ARID5B: variants seen among roughly 807,000 people sequenced by gnomAD.
The protein encoded by ARID5B is AT-rich interactive domain-containing protein 5B.
In ARID5B, 13 loss-of-function variants were observed where a neutral mutation model predicts 97.2. The ratio of observed to expected loss-of-function variants is 0.13; its 90% CI spans 0.09 to 0.21. ARID5B has a LOEUF of 0.21. Among genes scored for constraint, ARID5B ranks in the 10% least tolerant of loss-of-function variants. The probability of loss-of-function intolerance (pLI) is 1.00; values close to 1 mark genes in which losing one functional copy is unlikely to be tolerated. For missense variants in ARID5B, 1,210 were observed against 1,465.3 expected (o/e 0.83, Z 2.84); for synonymous variants, 556 against 570.3 (o/e 0.97, Z 0.36).
intron 3 of ARID5B, among the ~76,000 whole-genome samples, chr10:61,968,412 C>CAA (rs1404521361): frequency 6.6e-6 from 1 of 151,978 alleles, no homozygotes; most frequent in Non-Finnish European, 1.5e-5. Context: ...TCTGGTTAAG[C>CAA]ACACTATTTC....
At chr10:61,988,415 A>G (rs1838875809) in intron 3 of ARID5B, among the ~76,000 whole-genome samples, 1 of 152,242 alleles carries the variant, frequency 6.6e-6, no homozygotes, top group African/African-American at 2.4e-5. Context: ...GGCTCTCACC[A>G]GGTCTTAACA....
At chr10:61,973,625 G>A (rs1838660505) in intron 3 of ARID5B, among the ~76,000 whole-genome samples, 1 of 152,046 alleles carries the variant, frequency 6.6e-6, no homozygotes, top group Admixed American at 6.6e-5. Flanking sequence ...AAATGGGAGG[G>A]GGGAAGCTTT....
chr10:62,051,354 G>C (rs1839787993), intron 5 of ARID5B, among the ~76,000 whole-genome samples: 1 of 152,178 alleles, frequency 6.6e-6, no homozygotes, highest in Non-Finnish European at 1.5e-5. Flanking sequence ...AAATAGACCA[G>C]CTGAACCGTC....
chr10:62,014,084 C>T (rs745321736), intron 4 of ARID5B, among the ~76,000 whole-genome samples: 37 of 152,000 alleles, frequency 2.4e-4, no homozygotes, highest in East Asian at 5.8e-4. Context: ...GATATCTCTT[C>T]GACATATTGA....
At chr10:62,037,834 T>G (rs1022359933) in intron 4 of ARID5B, among the ~76,000 whole-genome samples, 4 of 152,204 alleles carry the variant, frequency 2.6e-5, no homozygotes, top group Non-Finnish European at 5.9e-5. Context: ...CTTTAAGAAC[T>G]TTGCTAATTC....
At chr10:61,908,594 T>C (rs1241196731) in intron 2 of ARID5B, among the ~76,000 whole-genome samples, 7 of 151,860 alleles carry the variant, frequency 4.6e-5, no homozygotes, top group Non-Finnish European at 8.8e-5. Flanking sequence ...GATCACGAGA[T>C]TGAGAACATC....
At chr10:61,917,152 C>T (rs1202994691) in intron 2 of ARID5B, among the ~76,000 whole-genome samples, 1 of 141,576 alleles carries the variant, frequency 7.1e-6, no homozygotes, top group African/African-American at 2.7e-5. Flanking sequence ...AGAGTAAGAT[C>T]CTGTTTCTAG....
At chr10:62,022,858 C>G (rs1472896475) in intron 4 of ARID5B, among the ~76,000 whole-genome samples, 3 of 152,234 alleles carry the variant, frequency 2.0e-5, no homozygotes, top group Non-Finnish European at 2.9e-5. Context: ...GAACGATTCA[C>G]AGAGCTCTCC....
chr10:61,950,356 G>A (rs970424097), intron 3 of ARID5B, among the ~76,000 whole-genome samples: 1 of 152,046 alleles, frequency 6.6e-6, no homozygotes, highest in Non-Finnish European at 1.5e-5. Flanking sequence ...CACTGACTCT[G>A]TACCTCAGAT....
chr10:62,080,786 CA>C (rs921859576), intron 8 of ARID5B, among the ~76,000 whole-genome samples: 30 of 147,050 alleles, frequency 2.0e-4, no homozygotes, highest in African/African-American at 7.0e-4. Flanking sequence ...GTTGTTACTA[CA>C]AAAAAAAAGC....
Position 62,050,950 on chromosome 10 carries a change from A to G in ARID5B, c.796A>G (p.Ser266Gly), listed in dbSNP as rs776458295. The G allele has an allele frequency of 7.4e-6, 12 of 1,614,114 alleles. No homozygotes were observed. The highest frequency in any genetic ancestry group is 9.3e-6 in the Non-Finnish European group (11 of 1,180,030). ...KPCPQRRDSFSGVKDSNNNSD... is the reference protein window; with the variant it reads ...KPCPQRRDSFGGVKDSNNNSD... Reference sequence around the variant, plus strand: ...ATGCCCACAAAGAAGAGATTCATTCAGTGGTGTTAAGGATTCCAACAACAA... The same window carrying G: ...ATGCCCACAAAGAAGAGATTCATTCGGTGGTGTTAAGGATTCCAACAACAA... The change falls in exon 5 of 10, where the codon AGT becomes GGT. Residue 266 changes from serine (S) to glycine (G), a missense_variant. Physicochemically the swap from Ser to Gly is moderately conservative, Grantham distance 56. This residue lies in a region of ARID5B where 132 missense variants were observed against 156.7 expected (regional missense o/e 0.84). Coordinates refer to ENST00000279873, the MANE Select transcript of ARID5B (RefSeq NM_032199.3).
At chr10:62,064,867 A>T (rs1839966100) in intron 7 of ARID5B, among the ~76,000 whole-genome samples, 2 of 152,096 alleles carry the variant, frequency 1.3e-5, no homozygotes, top group Admixed American at 6.5e-5. Context: ...TCCGCCTCCC[A>T]TATTCCAGTG....
At chr10:62,034,046 G>A (rs576086283) in intron 4 of ARID5B, among the ~76,000 whole-genome samples, 1 of 152,310 alleles carries the variant, frequency 6.6e-6, no homozygotes, top group South Asian at 2.1e-4. Flanking sequence ...GGAAACTCAA[G>A]GGGCCATTTT....
chr10:61,951,491 C>G (rs4414169), intron 3 of ARID5B, among the ~76,000 whole-genome samples: 72,314 of 152,072 alleles, frequency 0.48, 17,439 homozygotes, highest in Non-Finnish European at 0.52. Context: ...GCTTAGGATC[C>G]CTGTTTCTTT....
Position 62,092,951 on chromosome 10 carries a change from A to G in ARID5B, c.3488A>G (p.Tyr1163Cys). ...SYGDLLHNSI[Y>C]PLAAINPQAA... Reference sequence around the variant, plus strand: ...GGGGACCTTTTGCATAACAGCATTTACCCTTTAGCTGCTATAAATCCTCAA... The same window carrying G: ...GGGGACCTTTTGCATAACAGCATTTGCCCTTTAGCTGCTATAAATCCTCAA... The change falls in exon 10 of 10, where the codon TAC becomes TGC. Residue 1163 changes from tyrosine (Y) to cysteine (C), a missense_variant. Tyr to Cys is a radical substitution (Grantham distance 194, BLOSUM62 -2). Transcript: ENST00000279873. 6.2e-7 allele frequency: 1 copy of G among 1,613,958 alleles called. No individual in the cohort carries two copies. The highest frequency in any genetic ancestry group is 8.5e-7 in the Non-Finnish European group (1 of 1,179,974).
intron 8 of ARID5B, among the ~76,000 whole-genome samples, chr10:62,071,006 T>C (rs1840055912): frequency 6.6e-6 from 1 of 151,374 alleles, no homozygotes; most frequent in Admixed American, 6.6e-5. Flanking sequence ...GTTTTTGACT[T>C]ATGAGTCAAG....
chr10:62,089,576 A>G (rs986196032), intron 9 of ARID5B, among the ~76,000 whole-genome samples: 9 of 127,704 alleles, frequency 7.0e-5, no homozygotes, highest in African/African-American at 2.8e-4. Flanking sequence ...TGCCCAAGCT[A>G]TAGTGCAATG....
At chr10:61,967,160 A>G (rs564270583) in intron 3 of ARID5B, among the ~76,000 whole-genome samples, 3 of 152,282 alleles carry the variant, frequency 2.0e-5, no homozygotes, top group South Asian at 2.1e-4. Context: ...ATATCTTCCA[A>G]TGGTGTCATC....
chr10:62,091,913 G>T lies in ARID5B; in HGVS notation c.2450G>T (p.Arg817Met). The T allele has an allele frequency of 6.2e-7, 1 of 1,613,918 alleles. No individual in the cohort carries two copies. Among genetic ancestry groups the T allele is most frequent in the Non-Finnish European group, 8.5e-7 (1 of 1,179,946 alleles). ...QEGKDKLLEK[R>M]ALPHSHMPSF... ...GGCAAGGATAAACTCTTAGAGAAAA[G>T]GGCCCTCCCCCATTCCCACATGCCT... The change falls in exon 10 of 10, where the codon AGG (arginine) becomes ATG (methionine). Residue 817 changes from arginine (R) to methionine (M), a missense_variant. Coordinates refer to ENST00000279873, the MANE Select transcript of ARID5B (RefSeq NM_032199.3).
Sources: allele counts gnomAD v4.1 joint callset (sites outside exome capture counted in the v4.1 genomes callset), GRCh38; gene constraint gnomAD v4.1.1; regional missense constraint gnomAD v4.1.1; transcripts MANE v1.5; gene names NCBI Gene and HGNC (gene_info 2026-07-23, HGNC 2026-07-21).